Variants in KCNAB1 observed in about 807,000 individuals in gnomAD.
KCNAB1 encodes the protein voltage-gated potassium channel subunit beta-1.
Under a neutral mutation model 64.6 loss-of-function variants are expected in KCNAB1, and 35 were observed. The ratio of observed to expected loss-of-function variants is 0.54; its 90% confidence interval spans 0.41 to 0.72. KCNAB1 has a LOEUF of 0.72. KCNAB1 is among the 30% of genes least tolerant of loss of function. The pLI is 0.00. For missense variants in KCNAB1, 401 were observed against 512.9 expected, an observed-to-expected ratio of 0.78 and a Z score of 2.11; for synonymous variants, 177 against 183.8, an observed-to-expected ratio of 0.96 and a Z score of 0.30.
chr3:156,127,130 A>T (rs1259149595), intron 1 of KCNAB1, among the ~76,000 whole-genome samples: 1 of 152,224 alleles, frequency 6.6e-6, no homozygotes, highest in East Asian at 1.9e-4. Context: ...CACCTCTGCC[A>T]CTTTCCTCTT....
chr3:156,488,954 C>T (rs1169917920), intron 8 of KCNAB1, among the ~76,000 whole-genome samples: 1 of 152,016 alleles, frequency 6.6e-6, no homozygotes, highest in Non-Finnish European at 1.5e-5. Context: ...AGGTTTTAGG[C>T]CTGAGTCACC....
At chr3:156,453,091 T>C in intron 3 of KCNAB1, 155 bp downstream of exon 3, 1 of 517,316 alleles carries the variant, frequency 1.9e-6, no homozygotes, top group East Asian at 3.0e-5. Context: ...GTTGATTTTA[T>C]TTTTCCTGTT....
At chr3:156,465,384 C>T (rs184744432) in intron 6 of KCNAB1, among the ~76,000 whole-genome samples, 30 of 152,202 alleles carry the variant, frequency 2.0e-4, no homozygotes, top group Admixed American at 1.0e-3. Flanking sequence ...ACAGAGTGTA[C>T]GTGGCTGAGT....
intron 1 of KCNAB1, among the ~76,000 whole-genome samples, chr3:156,348,575 T>C (rs1724653673): frequency 6.6e-6 from 1 of 152,202 alleles, no homozygotes; most frequent in Non-Finnish European, 1.5e-5. Context: ...TGTTCCATTT[T>C]AGACATGTAA....
intron 8 of KCNAB1, among the ~76,000 whole-genome samples, chr3:156,494,454 ATGGTG>A (rs1196324491): frequency 6.6e-6 from 1 of 152,102 alleles, no homozygotes; most frequent in Non-Finnish European, 1.5e-5. Context: ...CCTATTCTGC[ATGGTG>A]CCTCCTTCTC....
At chr3:156,373,338 A>G (rs1726445687) in intron 1 of KCNAB1, among the ~76,000 whole-genome samples, 1 of 152,214 alleles carries the variant, frequency 6.6e-6, no homozygotes, top group African/African-American at 2.4e-5. Context: ...ATCTAGACAG[A>G]TTTAATCACT....
intron 1 of KCNAB1, among the ~76,000 whole-genome samples, chr3:156,166,636 A>G (rs1207190819): frequency 2.0e-5 from 3 of 152,148 alleles, no homozygotes; most frequent in Non-Finnish European, 4.4e-5. Context: ...TTATGGGTTT[A>G]CATCTTTTAA....
intron 1 of KCNAB1, among the ~76,000 whole-genome samples, chr3:156,378,796 T>A (rs1050660516): frequency 1.3e-5 from 2 of 152,020 alleles, no homozygotes; most frequent in African/African-American, 4.8e-5. Context: ...TACCTTAAGG[T>A]GGCTCCAAGC....
At chr3:156,174,034 T>C (rs1323185455) in intron 1 of KCNAB1, among the ~76,000 whole-genome samples, 1 of 152,200 alleles carries the variant, frequency 6.6e-6, no homozygotes, top group African/African-American at 2.4e-5. Flanking sequence ...CACCACCAAC[T>C]TTCCTGAGTC....
intron 1 of KCNAB1, among the ~76,000 whole-genome samples, chr3:156,319,074 A>T (rs754462240): frequency 3.3e-5 from 5 of 152,226 alleles, no homozygotes; most frequent in Non-Finnish European, 5.9e-5. Flanking sequence ...CCTTTATAAG[A>T]TTTCAAAGTA....
chr3:156,466,487 T>C (rs907590694), intron 7 of KCNAB1, among the ~76,000 whole-genome samples: 13 of 151,782 alleles, frequency 8.6e-5, no homozygotes, highest in African/African-American at 2.7e-4. Flanking sequence ...TAGTTTTTAG[T>C]TTTTATTTTA....
At chr3:156,264,138 A>G (rs779316504) in intron 1 of KCNAB1, among the ~76,000 whole-genome samples, 1 of 152,136 alleles carries the variant, frequency 6.6e-6, no homozygotes, top group African/African-American at 2.4e-5. Flanking sequence ...ATGTACTGGC[A>G]GTTCTATTTT....
At chr3:156,304,377 A>T (rs1048336921) in intron 1 of KCNAB1, among the ~76,000 whole-genome samples, 1 of 152,206 alleles carries the variant, frequency 6.6e-6, no homozygotes, top group Admixed American at 6.5e-5. Context: ...GAAGCAAGCG[A>T]TGTTATGCCC....
intron 1 of KCNAB1, among the ~76,000 whole-genome samples, chr3:156,172,506 C>T (rs1354551608): frequency 6.6e-6 from 1 of 152,184 alleles, no homozygotes; most frequent in Non-Finnish European, 1.5e-5. Flanking sequence ...TCTCAAACTC[C>T]TGACCTTAAG....
intron 1 of KCNAB1, among the ~76,000 whole-genome samples, chr3:156,292,540 T>C (rs1377372184): frequency 6.6e-6 from 1 of 152,150 alleles, no homozygotes; most frequent in Non-Finnish European, 1.5e-5. Flanking sequence ...TTATTTATCT[T>C]TTGTTTGTTT....
intron 11 of KCNAB1, among the ~76,000 whole-genome samples, chr3:156,517,030 C>T (rs1318156538): frequency 6.6e-6 from 1 of 152,196 alleles, no homozygotes; most frequent in African/African-American, 2.4e-5. Flanking sequence ...TTATTAATAA[C>T]AACATGCCTG....
chr3:156,235,945 T>G (rs1269870621), intron 1 of KCNAB1, among the ~76,000 whole-genome samples: 1 of 152,206 alleles, frequency 6.6e-6, no homozygotes, highest in East Asian at 1.9e-4. Flanking sequence ...GTTTTAGGGC[T>G]ACCAGTATAG....
At chr3:156,332,831 G>A (rs1344141374) in intron 1 of KCNAB1, among the ~76,000 whole-genome samples, 6 of 152,190 alleles carry the variant, frequency 3.9e-5, no homozygotes, top group Admixed American at 3.9e-4. Flanking sequence ...TATGATCTGA[G>A]ATTTCCTCTG....
intron 1 of KCNAB1, among the ~76,000 whole-genome samples, chr3:156,130,222 C>T (rs1296652561): frequency 6.6e-6 from 1 of 152,168 alleles, no homozygotes; most frequent in Non-Finnish European, 1.5e-5. Context: ...ATTTTTATTA[C>T]CTTCTGCACT....
Sources: gnomAD v4.1 joint callset for allele counts (sites outside exome capture counted in the v4.1 genomes callset) on GRCh38, gnomAD v4.1.1 for gene constraint, MANE v1.5 for transcripts, NCBI Gene and HGNC (gene_info 2026-07-23, HGNC 2026-07-21) for gene names.